The following PATJ variants were observed in gnomAD, a reference collection of about 807,000 sequenced individuals.
PATJ encodes the protein inaD-like protein.
A neutral mutation model predicts 224.9 loss-of-function variants in PATJ; 190 were observed. The observed-to-expected ratio is 0.84, with a 90% CI of 0.75 to 0.95. The LOEUF is 0.95. Among genes scored for constraint, PATJ ranks in the 40% least tolerant of loss-of-function variants. PATJ has a pLI of 0.00. For synonymous variants in PATJ, 769 were observed against 820.3 expected (o/e 0.94, Z 1.07); for missense variants, 2,121 against 2,270.3 (o/e 0.93, Z 1.34).
At chr1:61,837,807 A>AG (rs67605271) in intron 17 of PATJ, among the ~76,000 whole-genome samples, 1 of 148,706 alleles carries the variant, frequency 6.7e-6, no homozygotes, top group African/African-American at 2.5e-5. Context: ...AAAAAAAAAA[A>AG]GGGAAAGATG....
rs117212780 is a variant in PATJ at position 62,060,368 on chromosome 1, T to C, written c.4125+9310T>C. On this transcript the variant is annotated intron_variant, in intron 31 of 43. Coordinates refer to ENST00000642238, the MANE Select transcript of PATJ (RefSeq NM_001350145.3). ...ATTTTTAATTTCAACTTTTATTTTA[T>C]TTTTTATTTATTTTTTGAGACAAGG... Among the ~76,000 whole-genome samples the C allele has an allele frequency of 2.0e-5, 3 of 152,212 alleles. No homozygotes were observed. The East Asian group carries it at 5.8e-4, about 29-fold the overall frequency.
At chr1:62,153,510 T>TA (rs869178929) in intron 43 of PATJ, 29 bp downstream of exon 43, 42 of 1,220,336 alleles carry the variant, frequency 3.4e-5, no homozygotes, top group African/African-American at 6.2e-5. Context: ...TGTACTTTTT[T>TA]AAAAAAATTA....
chr1:62,074,618 A>C (rs1337494626), intron 31 of PATJ, among the ~76,000 whole-genome samples: 1 of 152,196 alleles, frequency 6.6e-6, no homozygotes, highest in Admixed American at 6.5e-5. Flanking sequence ...TTTTAAATTT[A>C]AAAGCAGGTT....
intron 27 of PATJ, 35 bp downstream of exon 27, chr1:61,927,864 A>T (rs765987449): frequency 7.3e-7 from 1 of 1,369,928 alleles, no homozygotes; most frequent in Admixed American, 2.0e-5. Flanking sequence ...GTAGATGCAG[A>T]ACTTATTAAA....
intron 26 of PATJ, among the ~76,000 whole-genome samples, chr1:61,923,167 A>T (rs550253739): frequency 3.9e-4 from 59 of 152,376 alleles, no homozygotes; most frequent in Middle Eastern, 3.4e-3. Flanking sequence ...CACTGCGTTA[A>T]TGTGGCAACA....
chr1:61,867,968 A>AT (rs1203648656), intron 20 of PATJ, among the ~76,000 whole-genome samples: 1 of 152,164 alleles, frequency 6.6e-6, no homozygotes, highest in Non-Finnish European at 1.5e-5. Flanking sequence ...GAACATTATT[A>AT]TTTCTGTCTT....
At chr1:61,922,553 T>G (rs1237218929) in intron 26 of PATJ, among the ~76,000 whole-genome samples, 1 of 152,228 alleles carries the variant, frequency 6.6e-6, no homozygotes, top group Non-Finnish European at 1.5e-5. Flanking sequence ...TCTCTGGCTT[T>G]AGGTTTCCAA....
At chr1:62,095,355 C>G (rs1010325615) in intron 33 of PATJ, among the ~76,000 whole-genome samples, 3 of 152,066 alleles carry the variant, frequency 2.0e-5, no homozygotes, top group Non-Finnish European at 2.9e-5. Flanking sequence ...TGAGGTGATA[C>G]CAAATAACTC....
chr1:61,840,501 TA>T (rs944285802), intron 17 of PATJ, among the ~76,000 whole-genome samples: 1 of 152,010 alleles, frequency 6.6e-6, no homozygotes. Flanking sequence ...TATTTAATTT[TA>T]AAAAAACTTT....
At chr1:61,811,655 C>T (rs1469109863) in intron 14 of PATJ, among the ~76,000 whole-genome samples, 1 of 149,520 alleles carries the variant, frequency 6.7e-6, no homozygotes, top group Non-Finnish European at 1.5e-5. Flanking sequence ...TGTGCCTAAT[C>T]AGCTGCTAAA....
At chr1:61,966,518 T>C (rs1009669116) in intron 27 of PATJ, among the ~76,000 whole-genome samples, 1 of 151,966 alleles carries the variant, frequency 6.6e-6, no homozygotes, top group African/African-American at 2.4e-5. Flanking sequence ...AAACTCCATC[T>C]CTACCAAAAA....
intron 20 of PATJ, among the ~76,000 whole-genome samples, chr1:61,869,207 C>T (rs1023317980): frequency 2.1e-4 from 31 of 146,026 alleles, no homozygotes; most frequent in South Asian, 2.0e-3. Context: ...CCCGGGTTCA[C>T]GCCATTCTCC....
intron 41 of PATJ, among the ~76,000 whole-genome samples, chr1:62,140,139 C>T (rs140224232): frequency 3.3e-4 from 50 of 152,254 alleles, no homozygotes; most frequent in African/African-American, 9.9e-4. Flanking sequence ...AAGTCCATCA[C>T]GTTTCTCATT....
At chr1:61,998,711 C>G (rs12745227) in intron 28 of PATJ, among the ~76,000 whole-genome samples, 1 of 151,972 alleles carries the variant, frequency 6.6e-6, no homozygotes, top group Non-Finnish European at 1.5e-5. Context: ...TCATAGAGTT[C>G]GAGTTTTATT....
At chr1:61,814,380 T>G (rs1391238891) in intron 14 of PATJ, among the ~76,000 whole-genome samples, 1 of 152,084 alleles carries the variant, frequency 6.6e-6, no homozygotes, top group Non-Finnish European at 1.5e-5. Context: ...TGACCTCAGG[T>G]GATCCGCCCA....
intron 13 of PATJ, 86 bp from the exon 14 acceptor site, chr1:61,808,388 A>ATAG (rs1654007239): frequency 1.3e-6 from 1 of 783,902 alleles, no homozygotes; most frequent in East Asian, 2.5e-5. Flanking sequence ...TTATCAATAT[A>ATAG]TAGGTTTTAC....
intron 1 of PATJ, among the ~76,000 whole-genome samples, chr1:61,757,838 A>C (rs1164680693): frequency 6.6e-6 from 1 of 151,514 alleles, no homozygotes; most frequent in Admixed American, 6.6e-5. Context: ...TTTTTTTGAT[A>C]TGTATGTCTA....
intron 31 of PATJ, among the ~76,000 whole-genome samples, chr1:62,070,125 C>G (rs6665156): frequency 0.025 from 3,862 of 152,064 alleles, 151 homozygotes; most frequent in African/African-American, 0.088. Flanking sequence ...GGGGTTGAAA[C>G]CAAGGTCGAA....
At chr1:62,142,979 G>T (rs998067121) in intron 41 of PATJ, among the ~76,000 whole-genome samples, 1 of 152,306 alleles carries the variant, frequency 6.6e-6, no homozygotes, top group African/African-American at 2.4e-5. Flanking sequence ...ACTGGCTAAC[G>T]TGTGGGAATG....
Sources: gnomAD v4.1 joint callset for allele counts (sites outside exome capture counted in the v4.1 genomes callset) on GRCh38, gnomAD v4.1.1 for gene constraint, MANE v1.5 for transcripts, NCBI Gene and HGNC (gene_info 2026-07-23, HGNC 2026-07-21) for gene names.